Variants in PPP2R2C observed in about 807,000 individuals in gnomAD.
The protein encoded by PPP2R2C is protein phosphatase 2, regulatory subunit B, gamma.
Under a neutral mutation model 45.3 loss-of-function variants are expected in PPP2R2C, and 10 were observed. The ratio of observed to expected loss-of-function variants is 0.22; its 90% CI spans 0.14 to 0.37. PPP2R2C has a LOEUF of 0.37. PPP2R2C is among the 10% of genes least tolerant of loss of function. The pLI, the probability that PPP2R2C is intolerant of heterozygous loss-of-function variation, is 1.00. For missense variants in PPP2R2C, 308 were observed against 619.7 expected (o/e 0.50, Z 5.34); for synonymous variants, 257 against 245.4 (o/e 1.05, Z -0.44).
chr4:6,323,363 G>A lies in PPP2R2C; in HGVS notation c.1283C>T (p.Ala428Val). 6.2e-7 allele frequency: 1 copy of A among 1,613,768 alleles called. No homozygotes were observed. Among genetic ancestry groups the A allele is most frequent in the Non-Finnish European group, 8.5e-7 (1 of 1,179,706 alleles). Residue 428 changes from alanine to valine, a missense_variant, in exon 9 of 9, where the codon GCC becomes GTC. Ala to Val is a moderately conservative substitution (Grantham distance 64, BLOSUM62 0). Coordinates refer to ENST00000382599, the MANE Select transcript of PPP2R2C (RefSeq NM_020416.4). ...TAWHPAENIIAIAATNNLYIF... is the reference protein window; with the variant it reads ...TAWHPAENIIVIAATNNLYIF... ...GTACAGGTTGTTGGTGGCGGCGATG[G>A]CAATGATGTTCTCAGCCGGGTGCCA...
At chr4:6,491,835 C>G (rs1021043260) in intron 2 of PPP2R2C, among the ~76,000 whole-genome samples, 3 of 152,158 alleles carry the variant, frequency 2.0e-5, no homozygotes, top group African/African-American at 7.2e-5. Context: ...TATAAGCTTC[C>G]TGAGGGAAGC....
intron 1 of PPP2R2C, among the ~76,000 whole-genome samples, chr4:6,416,980 C>T (rs569149442): frequency 3.1e-4 from 47 of 152,252 alleles, no homozygotes; most frequent in Admixed American, 2.5e-3. Flanking sequence ...CCAGGGGCCA[C>T]TGTACTCTGC....
intron 1 of PPP2R2C, among the ~76,000 whole-genome samples, chr4:6,453,606 C>T (rs1002413082): frequency 7.3e-5 from 11 of 151,608 alleles, no homozygotes; most frequent in Admixed American, 3.9e-4. Flanking sequence ...TGGTGTGCAC[C>T]GGGTCTGGGC....
intron 1 of PPP2R2C, among the ~76,000 whole-genome samples, chr4:6,415,300 C>T (rs934220649): frequency 6.6e-6 from 1 of 152,234 alleles, no homozygotes; most frequent in Non-Finnish European, 1.5e-5. Flanking sequence ...GACCACCGGC[C>T]GTTTCAATCC....
intron 1 of PPP2R2C, among the ~76,000 whole-genome samples, chr4:6,432,174 T>A (rs1719661467): frequency 6.6e-6 from 1 of 152,164 alleles, no homozygotes; most frequent in Non-Finnish European, 1.5e-5. Context: ...TCCCTCCCCA[T>A]CCTCATGGCT....
intron 1 of PPP2R2C, among the ~76,000 whole-genome samples, chr4:6,447,405 T>C (rs1243005439): frequency 6.6e-6 from 1 of 152,026 alleles, no homozygotes; most frequent in Non-Finnish European, 1.5e-5. Context: ...TGTTCTTCCC[T>C]GCGGAGGAAG....
chr4:6,469,077 C>CAAAAAA (rs142008829), intron 1 of PPP2R2C, among the ~76,000 whole-genome samples: 34 of 56,194 alleles, frequency 6.1e-4, no homozygotes, highest in African/African-American at 2.3e-3. Context: ...GCCCTGCCAC[C>CAAAAAA]AAAAAAAAAA....
chr4:6,327,910 C>A (rs545985540), intron 8 of PPP2R2C, among the ~76,000 whole-genome samples: 11 of 152,242 alleles, frequency 7.2e-5, no homozygotes, highest in Admixed American at 1.3e-4. Flanking sequence ...ATGACTTGGC[C>A]CCCCACTTGG....
intron 1 of PPP2R2C, among the ~76,000 whole-genome samples, chr4:6,420,784 C>A (rs1170126452): frequency 6.6e-6 from 1 of 152,178 alleles, no homozygotes; most frequent in Non-Finnish European, 1.5e-5. Flanking sequence ...GAAACCAGAC[C>A]TCGACGATGA....
rs1721374460 is a variant in PPP2R2C at position 6,462,413 on chromosome 4, G to A, written c.70+9747C>T. Among the ~76,000 whole-genome samples the A allele has an allele frequency of 2.0e-5, 3 of 152,204 alleles. No individual in the cohort carries two copies. In the South Asian group the frequency reaches 6.2e-4, roughly 32 times the overall value. ...AGAATCACTTGAACCCGGGAGGCGG[G>A]GGTTTCAGTGAGCCAAGATCACGCC... On this transcript the variant is annotated intron_variant, in intron 1 of 8. Transcript: ENST00000382599.
chr4:6,346,445 G>C (rs566414523), intron 6 of PPP2R2C, among the ~76,000 whole-genome samples: 8 of 152,244 alleles, frequency 5.3e-5, no homozygotes, highest in East Asian at 1.9e-4. Context: ...GACCCCCTCT[G>C]TCCCTGTACC....
intron 1 of PPP2R2C, among the ~76,000 whole-genome samples, chr4:6,441,557 A>T (rs1161283640): frequency 6.6e-6 from 1 of 152,128 alleles, no homozygotes. Context: ...CTCTTCCTGG[A>T]CAGCCCTTCC....
At chr4:6,388,672 C>T (rs1214846444) in intron 1 of PPP2R2C, among the ~76,000 whole-genome samples, 2 of 152,064 alleles carry the variant, frequency 1.3e-5, no homozygotes, top group Admixed American at 6.6e-5. Context: ...GGGGCCGAGC[C>T]GGGCCTCCCA....
chr4:6,536,303 G>T (rs1724612111), intron 1 of PPP2R2C, among the ~76,000 whole-genome samples: 1 of 152,174 alleles, frequency 6.6e-6, no homozygotes, highest in African/African-American at 2.4e-5. Context: ...TCAACAACTA[G>T]CATGCACAGT....
chr4:6,332,352 C>G lies in PPP2R2C; in HGVS notation c.960+1210G>C, dbSNP rs906033851. Among the ~76,000 whole-genome samples the G allele has an allele frequency of 2.0e-5, 3 of 152,094 alleles. No homozygotes were observed. Among genetic ancestry groups the G allele is most frequent in the Admixed American group, 6.6e-5 (1 of 15,264 alleles). ...AGGGCTGAGTCCTGCCTGGGGTGTG[C>G]AGTGTGAGGAGGGGGCCTGAGGGAG... On this transcript the variant is annotated intron_variant, in intron 7 of 8. Coordinates refer to ENST00000382599, the MANE Select transcript of PPP2R2C (RefSeq NM_020416.4). The surrounding 1 kb of genome is among the most constrained non-coding windows in gnomAD (Gnocchi z 4.9).
chr4:6,430,226 C>G (rs930752482), intron 1 of PPP2R2C, among the ~76,000 whole-genome samples: 66 of 152,206 alleles, frequency 4.3e-4, no homozygotes, highest in African/African-American at 1.5e-3. Context: ...CATACCTGCA[C>G]CTGCACTGTC....
In PPP2R2C at chr4:6,471,183, G is replaced by T. The variant is rs1483655956; in HGVS notation, c.70+977C>A. ...TGGGGCACCCACCCGGGGAATCCGC[G>T]CACACTTCTGCGGCCGGGCCGCCAG... On this transcript the variant is annotated intron_variant, in intron 1 of 8. Transcript: ENST00000382599. This position sits in a 1 kb window ranked among gnomAD's most constrained non-coding sequence, Gnocchi z 5.6. Among the ~76,000 whole-genome samples the T allele has an allele frequency of 6.6e-6, 1 of 152,096 alleles. No individual in the cohort carries two copies. Among genetic ancestry groups the T allele is most frequent in the Non-Finnish European group, 1.5e-5 (1 of 68,000 alleles).
intron 6 of PPP2R2C, 82 bp downstream of exon 6, chr4:6,347,764 G>T: frequency 2.1e-6 from 3 of 1,459,648 alleles, no homozygotes; most frequent in African/African-American, 1.4e-5. Flanking sequence ...CACCACCCCT[G>T]CAGCAGCTGC....
intron 2 of PPP2R2C, among the ~76,000 whole-genome samples, chr4:6,533,798 T>C (rs1037991739): frequency 6.6e-6 from 1 of 152,122 alleles, no homozygotes; most frequent in African/African-American, 2.4e-5. Context: ...AATGAGGATC[T>C]ACCTACAGGC....
Sources: allele counts gnomAD v4.1 joint callset (sites outside exome capture counted in the v4.1 genomes callset), GRCh38; gene constraint gnomAD v4.1.1; non-coding constraint Gnocchi (gnomAD v3.1); transcripts MANE v1.5; gene names NCBI Gene and HGNC (gene_info 2026-07-23, HGNC 2026-07-21).